The following AKAP13 variants were observed in gnomAD, a reference collection of about 807,000 sequenced individuals.
AKAP13 encodes the protein A-kinase anchor protein 13.
AKAP13 carries 80 observed loss-of-function variants against 264.5 expected under a neutral mutation model. That is an observed-to-expected ratio of 0.30 (90% confidence interval 0.25 to 0.36). AKAP13 has a LOEUF of 0.36. Among genes scored for constraint, AKAP13 ranks in the 10% least tolerant of loss-of-function variants. The pLI, the probability that AKAP13 is intolerant of heterozygous loss-of-function variation, is 1.00. For missense variants in AKAP13, 3,712 were observed against 3,435.2 expected (o/e 1.08, Z -2.01); for synonymous variants, 1,380 against 1,250.2 (o/e 1.10, Z -2.19).
chr15:85,579,510 A>G lies in AKAP13; in HGVS notation c.1442A>G (p.Glu481Gly). The change falls in exon 7 of 37, where the codon GAA (glutamate) becomes GGA (glycine). Residue 481 changes from glutamate (E) to glycine (G), a missense_variant. Glu to Gly is a moderately conservative substitution (Grantham distance 98). This residue lies in a region of AKAP13 where 2,759 missense variants were observed against 2,411.7 expected (regional missense o/e 1.14). Coordinates refer to ENST00000394518, the MANE Select transcript of AKAP13 (RefSeq NM_007200.5). ...TNVSTPDTAG[E>G]MEHGLMNPDA... is the part of the protein sequence containing the mutation. Reference sequence around the variant, plus strand: ...GTCAGTACCCCAGACACTGCAGGGGAAATGGAACATGGGCTCATGAACCCA... The same window carrying G: ...GTCAGTACCCCAGACACTGCAGGGGGAATGGAACATGGGCTCATGAACCCA... The G allele has an allele frequency of 1.2e-6, 2 of 1,614,192 alleles. No individual in the cohort carries two copies. Among genetic ancestry groups the G allele is most frequent in the South Asian group, 2.2e-5 (2 of 91,080 alleles).
intron 5 of AKAP13, among the ~76,000 whole-genome samples, chr15:85,563,845 A>G (rs1055291357): frequency 5.9e-5 from 9 of 152,148 alleles, no homozygotes; most frequent in Non-Finnish European, 1.3e-4. Flanking sequence ...TTTCACAGCA[A>G]CCTTTTAAAA....
intron 16 of AKAP13, among the ~76,000 whole-genome samples, chr15:85,692,195 A>G (rs367862649): frequency 6.6e-6 from 1 of 152,172 alleles, no homozygotes; most frequent in South Asian, 2.1e-4. Context: ...CCTTTCCCTT[A>G]CTGCAAGCAA....
intron 1 of AKAP13, among the ~76,000 whole-genome samples, chr15:85,398,367 A>G (rs1433448510): frequency 6.6e-6 from 1 of 152,228 alleles, no homozygotes; most frequent in South Asian, 2.1e-4. Flanking sequence ...AAAAGTACAC[A>G]TAAATGACAC....
intron 1 of AKAP13, among the ~76,000 whole-genome samples, chr15:85,454,495 G>A (rs887988927): frequency 6.6e-6 from 1 of 152,150 alleles, no homozygotes; most frequent in Non-Finnish European, 1.5e-5. Context: ...TGTGGGTCAA[G>A]TTGTTTCCTT....
chr15:85,407,577 G>A (rs970386753), intron 1 of AKAP13, among the ~76,000 whole-genome samples: 1 of 151,478 alleles, frequency 6.6e-6, no homozygotes, highest in Non-Finnish European at 1.5e-5. Context: ...AATTTGCCAG[G>A]CCTGGGTTGA....
At chr15:85,534,461 T>G (rs1375804502) in intron 4 of AKAP13, 1 of 152,434 alleles carries the variant, frequency 6.6e-6, no homozygotes, top group African/African-American at 2.4e-5. Flanking sequence ...GAGAACGGGC[T>G]TTCACTCTTG....
Position 85,736,116 on chromosome 15 carries a change from G to A in AKAP13, c.7539G>A (p.Met2513Ile), listed in dbSNP as rs762728308. ...KKGGNANLVF[M>I]LKRNSEQVVQ... ...GTGGAAATGCTAACCTGGTATTTAT[G>A]CTTAAAAGAAACAGTGAGGTAAGGA... The change falls in exon 33 of 37, where the codon ATG (methionine) becomes ATA (isoleucine). Residue 2513 changes from methionine to isoleucine, a missense_variant. Transcript: ENST00000394518. 1.9e-6 allele frequency: 3 copies of A among 1,605,770 alleles called. No individual in the cohort carries two copies. In the East Asian group the frequency reaches 6.7e-5, roughly 36 times the overall value.
intron 30 of AKAP13, 78 bp downstream of exon 30, chr15:85,730,785 A>C: frequency 7.6e-7 from 1 of 1,312,704 alleles, no homozygotes; most frequent in Non-Finnish European, 1.0e-6. Flanking sequence ...GCCAGTTTTT[A>C]CTTTTTTACT....
chr15:85,646,094 A>G, intron 10 of AKAP13, 140 bp downstream of exon 10: 2 of 1,125,958 alleles, frequency 1.8e-6, no homozygotes, highest in Non-Finnish European at 2.5e-6. Flanking sequence ...GTAAGTTGTG[A>G]TCCAGCTAGC....
At chr15:85,492,660 T>C (rs2075763437) in intron 2 of AKAP13, among the ~76,000 whole-genome samples, 1 of 152,248 alleles carries the variant, frequency 6.6e-6, no homozygotes, top group African/African-American at 2.4e-5. Flanking sequence ...TTACATGATG[T>C]AAGTCTATAT....
At chr15:85,710,834 T>C (rs904916542) in intron 19 of AKAP13, among the ~76,000 whole-genome samples, 189 bp downstream of exon 19, 1 of 152,156 alleles carries the variant, frequency 6.6e-6, no homozygotes, top group African/African-American at 2.4e-5. Context: ...TCAAACCCTC[T>C]TGGAAGGTCT....
At chr15:85,698,675 GGCTCAT>G (rs1182391041) in intron 17 of AKAP13, among the ~76,000 whole-genome samples, 2 of 151,790 alleles carry the variant, frequency 1.3e-5, no homozygotes, top group African/African-American at 4.8e-5. Context: ...CTGGCACGGT[GGCTCAT>G]GCCTGTAATC....
rs532799798 is a variant in AKAP13 at position 85,538,454 on chromosome 15, C to T, written c.478+4574C>T. ...ACCATAATCATTTGATGATTCAGTTCCCACCTCCTTTCAGAGTGTTTGATA... is the reference window on the plus strand; with the variant it reads ...ACCATAATCATTTGATGATTCAGTTTCCACCTCCTTTCAGAGTGTTTGATA... On this transcript the variant is annotated intron_variant, in intron 4 of 36. Coordinates refer to ENST00000394518, the MANE Select transcript of AKAP13 (RefSeq NM_007200.5). Among the ~76,000 whole-genome samples, 129 of 152,042 alleles carry T rather than the reference C, an allele frequency of 8.5e-4. 1 individual carries two copies. Among genetic ancestry groups the T allele is most frequent in the Non-Finnish European group, 1.4e-3 (94 of 67,952 alleles).
rs2084809694 is a variant in AKAP13, at chr15:85,684,956, C to T, written c.5289+83C>T. 3 of 1,440,626 alleles carry T rather than the reference C, an allele frequency of 2.1e-6. No individual in the cohort carries two copies. In the African/African-American group the frequency reaches 4.3e-5, roughly 21 times the overall value. The allele number at this position is 1,440,626 out of a possible 1,614,324, so 89.2% of individuals were successfully genotyped here. On this transcript the variant is annotated intron_variant, in intron 16 of 36. Transcript: ENST00000394518. ...GCATTCACACCAAAACTGGTTAAAT[C>T]ATGGGGACATAAATGGAAATAAATT... is the stretch of plus-strand genomic sequence containing the variant.
At chr15:85,574,952 T>C (rs2078957445) in intron 5 of AKAP13, among the ~76,000 whole-genome samples, 179 bp from the exon 6 acceptor site, 1 of 152,214 alleles carries the variant, frequency 6.6e-6, no homozygotes, top group South Asian at 2.1e-4. Context: ...TGTGATCTCT[T>C]GTGAGGAGGA....
chr15:85,431,039 T>A (rs2073004183), intron 1 of AKAP13, among the ~76,000 whole-genome samples: 1 of 152,206 alleles, frequency 6.6e-6, no homozygotes, highest in Admixed American at 6.5e-5. Flanking sequence ...CTGGTGATAA[T>A]GAGAGATAAA....
intron 30 of AKAP13, among the ~76,000 whole-genome samples, chr15:85,730,973 C>G (rs1220656609): frequency 7.3e-6 from 1 of 137,552 alleles, no homozygotes; most frequent in Non-Finnish European, 1.6e-5. Flanking sequence ...GTTATTCTGA[C>G]TGTTTTTTAA....
intron 7 of AKAP13, among the ~76,000 whole-genome samples, chr15:85,584,883 A>G (rs1027200617): frequency 6.6e-6 from 1 of 152,206 alleles, no homozygotes; most frequent in Non-Finnish European, 1.5e-5. Context: ...CATTTGGATT[A>G]TTAAGGTGAA....
In AKAP13 at chr15:85,641,820, A is replaced by G. The variant is rs183988712; in HGVS notation, c.4237+2371A>G. ...ATACTGTCTTTTAAAATCACTTTGT[A>G]TACTCTTCAATAATGGATAAATTAC... is the stretch of plus-strand genomic sequence containing the variant. On this transcript the variant is annotated intron_variant, in intron 9 of 36. Transcript: ENST00000394518. Among the ~76,000 whole-genome samples, 7 of 152,290 alleles carry G rather than the reference A, an allele frequency of 4.6e-5. No homozygotes were observed. The East Asian group carries it at 9.7e-4, about 21-fold the overall frequency.
Sources: gnomAD v4.1 joint callset for allele counts (sites outside exome capture counted in the v4.1 genomes callset) on GRCh38, gnomAD v4.1.1 for gene constraint, gnomAD v4.1.1 regional missense constraint, MANE v1.5 for transcripts, NCBI Gene and HGNC (gene_info 2026-07-23, HGNC 2026-07-21) for gene names.